Variants in MLXIPL observed in about 807,000 individuals in gnomAD.
MLXIPL encodes carbohydrate-responsive element-binding protein.
In MLXIPL, 49 loss-of-function variants were observed where a neutral mutation model predicts 81.5. That is an observed-to-expected ratio of 0.60 (90% CI 0.48 to 0.76). The LOEUF (loss-of-function observed/expected upper bound fraction) is 0.76. Among genes scored for constraint, MLXIPL ranks in the 30% least tolerant of loss-of-function variants. The pLI is 0.00. For missense variants in MLXIPL, 1,053 were observed against 1,167.0 expected, an observed-to-expected ratio of 0.90 and a Z score of 1.42; for synonymous variants, 466 against 485.5, an observed-to-expected ratio of 0.96 and a Z score of 0.53.
chr7:73,598,750 G>A (rs1450319738), intron 8 of MLXIPL, among the ~76,000 whole-genome samples: 7 of 152,062 alleles, frequency 4.6e-5, no homozygotes, highest in Non-Finnish European at 1.5e-5. Context: ...CTCAGCAACC[G>A]ATTAGAATTA....
chr7:73,645,529 C>G, the MLXIPL span, among the ~76,000 whole-genome samples: 3 of 152,058 alleles, frequency 2.0e-5, no homozygotes, highest in Non-Finnish European at 2.9e-5. Context: ...GTGAGGTGGG[C>G]GCAGGACACA....
chr7:73,599,507 CGG>C lies in MLXIPL; in HGVS notation c.1071+17_1071+18del. On this transcript the variant is annotated intron_variant, in intron 8 of 16. Coordinates refer to ENST00000313375, the MANE Select transcript of MLXIPL (RefSeq NM_032951.3). ...CTCAAGTGAGCTACACAGGGCTGGA[CGG>C]GGTGGGGTGAGCTCACCTGCAGACG... The C allele has an allele frequency of 1.9e-6, 3 of 1,611,326 alleles. No individual in the cohort carries two copies. Among genetic ancestry groups the C allele is most frequent in the African/African-American group, 1.3e-5 (1 of 74,628 alleles).
At position 73,624,519 on chromosome 7, in the gene MLXIPL, C is replaced by G; in HGVS notation, c.-27G>C. The G allele has an allele frequency of 1.3e-6, 2 of 1,512,710 alleles. No individual in the cohort carries two copies. The highest frequency in any genetic ancestry group is 1.8e-6 in the Non-Finnish European group (2 of 1,137,870). 93.7% of individuals were successfully genotyped at this position (1,512,710 alleles called of 1,614,324 possible). A position where few individuals can be genotyped will look rare whatever the true frequency, so the allele number is the denominator to read the frequency against. On this transcript the variant is annotated 5_prime_UTR_variant, in exon 1 of 17. Coordinates refer to ENST00000313375, the MANE Select transcript of MLXIPL (RefSeq NM_032951.3). ...GCTGTCGCCGCCGCAACCGCCTGGT[C>G]CCTGCTCCGCGCAGCGCGGGGAACA...
chr7:73,606,257 G>T, intron 5 of MLXIPL, 146 bp from the exon 6 acceptor site: 1 of 863,012 alleles, frequency 1.2e-6, no homozygotes, highest in South Asian at 1.5e-5. Flanking sequence ...GACCTAGCTT[G>T]CTGCTTGAAA....
At position 73,599,661 on chromosome 7, in the gene MLXIPL, G is replaced by C; in HGVS notation, c.936C>G (p.Pro312=). The C allele has an allele frequency of 6.2e-7, 1 of 1,607,364 alleles. No individual in the cohort carries two copies. The highest frequency in any genetic ancestry group is 8.5e-7 in the Non-Finnish European group (1 of 1,176,668). The change falls in exon 8 of 17, where the codon CCC becomes CCG. Residue 312 remains proline, a synonymous_variant. Transcript: ENST00000313375. ...FFTNSRLPQP[P]MPSNFPEPPS... is the part of the protein sequence containing the mutation. ...GGGGCTCTGGGAAGTTTGAAGGCAT[G>C]GGCGGCTGTGGGAGGCGGGAGTTGG... is the stretch of plus-strand genomic sequence containing the variant.
In MLXIPL at chr7:73,595,641, C is replaced by G; in HGVS notation, c.2306G>C (p.Trp769Ser). 2 of 1,614,188 alleles carry G rather than the reference C, an allele frequency of 1.2e-6. No individual in the cohort carries two copies. Among genetic ancestry groups the G allele is most frequent in the Non-Finnish European group, 1.7e-6 (2 of 1,180,016 alleles). ...RTRTLHNWKF[W>S]VFSILIRPLF... ...CATGGGCTTGAGGGAGGATACCACC[C>G]AGAACTTCCAGTTGTGCAGCGTACG... is the stretch of plus-strand genomic sequence containing the variant. Residue 769 changes from tryptophan to serine, a missense_variant, in exon 15 of 17, where the codon TGG (tryptophan) becomes TCG (serine). By Grantham distance (177) the Trp-to-Ser change is radical (BLOSUM62 -3). This residue lies in a region of MLXIPL where 823 missense variants were observed against 933.0 expected (regional missense o/e 0.88). Transcript: ENST00000313375.
Position 73,605,945 on chromosome 7 carries a change from G to A in MLXIPL, c.785C>T (p.Ser262Phe), listed in dbSNP as rs376076674. 1.3e-6 allele frequency: 2 copies of A among 1,596,342 alleles called. No individual in the cohort carries two copies. Among genetic ancestry groups the A allele is most frequent in the Non-Finnish European group, 1.7e-6 (2 of 1,171,238 alleles). Residue 262 changes from serine to phenylalanine, a missense_variant, in exon 6 of 17, where the codon TCC (serine) becomes TTC (phenylalanine). Around this residue, in one of 3 missense-constraint regions of MLXIPL, gnomAD observed 823 missense variants for 933.0 expected, o/e 0.88. Transcript: ENST00000313375. ...ISDTLFTMTQ[S>F]GPSPLQLPPE... ...CGGCAGCTGCAGGGGCGAAGGGCCGGACTGAGTCATGGTGAAGAGAGTGTC... is the reference window on the plus strand; with the variant it reads ...CGGCAGCTGCAGGGGCGAAGGGCCGAACTGAGTCATGGTGAAGAGAGTGTC...
chr7:73,597,296 CG>C lies in MLXIPL; in HGVS notation c.1488del (p.Ala497ProfsTer14). 1.4e-6 allele frequency: 2 copies of C among 1,472,426 alleles called. No individual in the cohort carries two copies. Among genetic ancestry groups the C allele is most frequent in the South Asian group, 1.3e-5 (1 of 78,078 alleles). The allele number at this position is 1,472,426 out of a possible 1,614,324, so 91.2% of individuals were successfully genotyped here. A position where few individuals can be genotyped will look rare whatever the true frequency, so the allele number is the denominator to read the frequency against. On this transcript the variant is annotated frameshift_variant, in exon 9 of 17. Transcript: ENST00000313375. LOFTEE classifies it high-confidence loss of function. ...PCFSMPRGKP[P>X]APSPRGQKAS... is the part of the protein sequence containing the mutation. ...GCTTTCTGTCCCCTAGGGGATGGGG[CG>C]GGGGGCTTGCCTCTGGGCATGGAGA... is the stretch of plus-strand genomic sequence containing the variant.
rs190748521 is a variant in MLXIPL at position 73,620,185 on chromosome 7, C to T, written c.294-4008G>A. Among the ~76,000 whole-genome samples, 10 of 151,932 alleles carry T rather than the reference C, an allele frequency of 6.6e-5. No homozygotes were observed. In the East Asian group the frequency reaches 1.6e-3, roughly 24 times the overall value. On this transcript the variant is annotated intron_variant, in intron 1 of 16. Transcript: ENST00000313375. ...TTGGGAGGCCAAGGCAGGCGAATCA[C>T]CTGAGGTCAGGAGTTCAAGACCAGC...
In MLXIPL at chr7:73,616,185, A is replaced by G; in HGVS notation, c.294-8T>C. ...GGAGACACCAGCTTGCCACTGTCAAAGGGGAGAGGAGTAGGGTTAGGGAGA... is the reference window on the plus strand; with the variant it reads ...GGAGACACCAGCTTGCCACTGTCAAGGGGGAGAGGAGTAGGGTTAGGGAGA... On this transcript the variant is annotated splice_region_variant and splice_polypyrimidine_tract_variant and intron_variant, in intron 1 of 16. Coordinates refer to ENST00000313375, the MANE Select transcript of MLXIPL (RefSeq NM_032951.3). 1 of 1,606,312 alleles carries G rather than the reference A, an allele frequency of 6.2e-7. No homozygotes were observed.
rs547779241 is a variant in MLXIPL, at chr7:73,617,038, C to T, written c.294-861G>A. ...TTTTGGTTTGCTTTTGGTTTTGAGACGGAGTCTCAGTCTGTCATCCAGGCT... is the reference window on the plus strand; with the variant it reads ...TTTTGGTTTGCTTTTGGTTTTGAGATGGAGTCTCAGTCTGTCATCCAGGCT... On this transcript the variant is annotated intron_variant, in intron 1 of 16. Coordinates refer to ENST00000313375, the MANE Select transcript of MLXIPL (RefSeq NM_032951.3). Among the ~76,000 whole-genome samples the T allele has an allele frequency of 7.3e-4, 111 of 151,154 alleles. No individual in the cohort carries two copies. In the Middle Eastern group the frequency reaches 0.01, roughly 14 times the overall value.
At chr7:73,607,230 T>C in intron 4 of MLXIPL, 101 bp downstream of exon 4, 1 of 1,350,814 alleles carries the variant, frequency 7.4e-7, no homozygotes, top group Non-Finnish European at 1.0e-6. Flanking sequence ...GGGCGCAAGC[T>C]CGGGGGTCAG....
At chr7:73,628,083 A>G (rs1554604082), upstream of MLXIPL, among the ~76,000 whole-genome samples, 3 of 152,012 alleles carry the variant, frequency 2.0e-5, no homozygotes, top group Non-Finnish European at 4.4e-5. Context: ...CGGCCTCCCA[A>G]AGTGCTGAGA....
chr7:73,621,230 T>C (rs1368837800), intron 1 of MLXIPL, among the ~76,000 whole-genome samples: 2 of 151,786 alleles, frequency 1.3e-5, no homozygotes, highest in African/African-American at 4.8e-5. Context: ...TCAAGGCCAC[T>C]CTTCCTAAAG....
chr7:73,618,761 T>G (rs1375792383), intron 1 of MLXIPL, among the ~76,000 whole-genome samples: 3 of 152,106 alleles, frequency 2.0e-5, no homozygotes, highest in African/African-American at 7.2e-5. Flanking sequence ...TGGGCCAGCT[T>G]CTTCTGTGGC....
intron 1 of MLXIPL, among the ~76,000 whole-genome samples, chr7:73,617,945 C>G (rs1377337466): frequency 6.6e-6 from 1 of 152,174 alleles, no homozygotes; most frequent in Non-Finnish European, 1.5e-5. Flanking sequence ...GCCAGGAGGC[C>G]AAGACATTCA....
chr7:73,611,740 C>T (rs535759942), intron 2 of MLXIPL, among the ~76,000 whole-genome samples: 12 of 151,772 alleles, frequency 7.9e-5, no homozygotes, highest in Middle Eastern at 3.4e-3. Context: ...TGCTTGAACC[C>T]GGGAGGCAGA....
Position 73,606,050 on chromosome 7 carries a change from G to A in MLXIPL, c.680C>T (p.Pro227Leu). 6.3e-7 allele frequency: 1 copy of A among 1,591,422 alleles called. No homozygotes were observed. The highest frequency in any genetic ancestry group is 8.6e-7 in the Non-Finnish European group (1 of 1,169,040). Residue 227 changes from proline to leucine, a missense_variant, in exon 6 of 17, where the codon CCC becomes CTC. Physicochemically the swap from Pro to Leu is moderately conservative, Grantham distance 98 (BLOSUM62 -3). Around this residue, in one of 3 missense-constraint regions of MLXIPL, gnomAD observed 823 missense variants for 933.0 expected, o/e 0.88. Transcript: ENST00000313375. ...WCKQLFSSVVPVLLGDPEEEP... is the reference protein window; with the variant it reads ...WCKQLFSSVVLVLLGDPEEEP... The stretch of plus-strand genomic sequence containing the variant: ...CTCCTCTGGGTCCCCCAGCAGCACG[G>A]GGACCACACTGGAGAAGAGCTGTTT...
intron 3 of MLXIPL, 23 bp from the exon 4 acceptor site, chr7:73,607,443 G>C (rs945381475): frequency 1.1e-5 from 17 of 1,544,752 alleles, no homozygotes; most frequent in Admixed American, 2.0e-5. Context: ...CCGGGGGAGG[G>C]GGATCAGTAG....
Sources: gnomAD v4.1 joint callset for allele counts (sites outside exome capture counted in the v4.1 genomes callset) on GRCh38, gnomAD v4.1.1 for gene constraint, gnomAD v4.1.1 regional missense constraint, MANE v1.5 for transcripts, NCBI Gene and HGNC (gene_info 2026-07-23, HGNC 2026-07-21) for gene names.